The following ZFYVE9 variants were observed in gnomAD, a reference collection of about 807,000 sequenced individuals.
The protein encoded by ZFYVE9 is zinc finger FYVE domain-containing protein 9.
In ZFYVE9, 43 loss-of-function variants were observed where a neutral mutation model predicts 126.7. The ratio of observed to expected loss-of-function variants is 0.34; its 90% CI spans 0.27 to 0.44. The LOEUF (loss-of-function observed/expected upper bound fraction) is 0.44, where lower values mean the gene tolerates loss of function less well. Among genes scored for constraint, ZFYVE9 ranks in the 20% least tolerant of loss-of-function variants. ZFYVE9 has a pLI of 1.00. For synonymous variants in ZFYVE9, 521 were observed against 597.4 expected, an observed-to-expected ratio of 0.87 and a Z score of 1.87; for missense variants, 1,476 against 1,697.0, an observed-to-expected ratio of 0.87 and a Z score of 2.29.
intron 12 of ZFYVE9, among the ~76,000 whole-genome samples, chr1:52,300,928 C>G (rs933805722): frequency 6.6e-6 from 1 of 150,694 alleles, no homozygotes; most frequent in Non-Finnish European, 1.5e-5. Flanking sequence ...GGCACAATCT[C>G]GGCTCACTGC....
At chr1:52,217,038 T>C (rs1166371392) in intron 2 of ZFYVE9, among the ~76,000 whole-genome samples, 1 of 152,194 alleles carries the variant, frequency 6.6e-6, no homozygotes, top group African/African-American at 2.4e-5. Context: ...AAACAAGTGC[T>C]TGATGTAGCC....
chr1:52,245,113 G>A (rs1645371253), intron 4 of ZFYVE9, among the ~76,000 whole-genome samples: 1 of 151,470 alleles, frequency 6.6e-6, no homozygotes, highest in Non-Finnish European at 1.5e-5. Context: ...AGCCGAGATC[G>A]AGATCACGCC....
intron 1 of ZFYVE9, chr1:52,180,368 T>A (rs1644686005): frequency 1.9e-6 from 3 of 1,547,024 alleles, no homozygotes; most frequent in Non-Finnish European, 2.7e-6. Context: ...AGGCTCAGTT[T>A]ATTGGTCCTC....
intron 10 of ZFYVE9, among the ~76,000 whole-genome samples, chr1:52,290,218 A>G (rs566494445): frequency 6.6e-6 from 1 of 152,288 alleles, no homozygotes; most frequent in Non-Finnish European, 1.5e-5. Context: ...AGAAGGGCAA[A>G]TGGGGTGGGG....
intron 4 of ZFYVE9, among the ~76,000 whole-genome samples, chr1:52,243,120 A>G (rs1198886598): frequency 1.3e-5 from 2 of 152,210 alleles, no homozygotes; most frequent in East Asian, 1.9e-4. Context: ...GAGTGAGTAA[A>G]TGAGTCTCAG....
At position 52,295,208 on chromosome 1, in the gene ZFYVE9, T is replaced by C. The variant is rs192428432; in HGVS notation, c.3251-687T>C. ...AGACTGTGTCTCAAAAAAAAAAGAG[T>C]GAACTCTTAAACTTGTTGGAAAAAG... On this transcript the variant is annotated intron_variant, in intron 11 of 18. Coordinates refer to ENST00000287727, the MANE Select transcript of ZFYVE9 (RefSeq NM_004799.4). Among the ~76,000 whole-genome samples, 666 of 150,802 alleles carry C rather than the reference T, an allele frequency of 4.4e-3. 8 individuals are homozygous for C. Among genetic ancestry groups the C allele is most frequent in the Non-Finnish European group, 4.1e-3 (279 of 67,650 alleles).
At chr1:52,159,098 G>T (rs1297770205) in intron 1 of ZFYVE9, among the ~76,000 whole-genome samples, 1 of 152,108 alleles carries the variant, frequency 6.6e-6, no homozygotes, top group Non-Finnish European at 1.5e-5. Flanking sequence ...GGCTATTCTT[G>T]TATGTTTTGT....
chr1:52,183,628 G>C (rs189496397), intron 1 of ZFYVE9, among the ~76,000 whole-genome samples: 2 of 151,832 alleles, frequency 1.3e-5, no homozygotes, highest in African/African-American at 4.8e-5. Context: ...TCAGCCTTCC[G>C]AGTATCTGGG....
chr1:52,332,994 G>A (rs1646356454), intron 14 of ZFYVE9, 76 bp downstream of exon 14: 16 of 1,552,900 alleles, frequency 1.0e-5, no homozygotes, highest in Admixed American at 3.6e-5. Flanking sequence ...CCTCAGTCCC[G>A]TAACACTCAC....
chr1:52,274,468 A>G lies in ZFYVE9; in HGVS notation c.2630A>G (p.Asp877Gly), dbSNP rs1379891978. Residue 877 changes from aspartate (D) to glycine (G), a missense_variant, in exon 8 of 19, where the codon GAT becomes GGT. Physicochemically the swap from Asp to Gly is moderately conservative, Grantham distance 94. Coordinates refer to ENST00000287727, the MANE Select transcript of ZFYVE9 (RefSeq NM_004799.4). ...TTGTTGATTTGCTTTTCCTAGACGG[A>G]TATTTGTCTATTCTCTGGGAGTATA... ...VTTSPLPAET[D>G]ICLFSGSITQ... 1 of 1,607,456 alleles carries G rather than the reference A, an allele frequency of 6.2e-7. No homozygotes were observed. Among genetic ancestry groups the G allele is most frequent in the African/African-American group, 1.3e-5 (1 of 74,926 alleles).
At chr1:52,242,293 A>G (rs1333392758) in intron 4 of ZFYVE9, among the ~76,000 whole-genome samples, 1 of 152,148 alleles carries the variant, frequency 6.6e-6, no homozygotes, top group Non-Finnish European at 1.5e-5. Flanking sequence ...TGGCCTCCCA[A>G]AGTGCTGGGA....
chr1:52,299,209 T>G (rs1296924191), intron 12 of ZFYVE9, among the ~76,000 whole-genome samples: 3 of 152,166 alleles, frequency 2.0e-5, no homozygotes, highest in Non-Finnish European at 2.9e-5. Context: ...TAAATGGAAT[T>G]GTTTTCTTTA....
In ZFYVE9 at chr1:52,157,932, G is replaced by T. The variant is rs530111459; in HGVS notation, c.-143+15529G>T. Reference sequence around the variant, plus strand: ...CCAGTATATTCCTGATAGCTTTGATGCATGGTCTTCTCTCCTCACATGGTA... The same window carrying T: ...CCAGTATATTCCTGATAGCTTTGATTCATGGTCTTCTCTCCTCACATGGTA... On this transcript the variant is annotated intron_variant, in intron 1 of 18. Transcript: ENST00000287727. 3.9e-5 allele frequency among the ~76,000 whole-genome samples: 6 copies of T among 152,188 alleles called. No homozygotes were observed. The East Asian group carries it at 9.7e-4, about 25-fold the overall frequency.
chr1:52,180,072 G>C, intron 1 of ZFYVE9: 1 of 854,064 alleles, frequency 1.2e-6, no homozygotes, highest in South Asian at 1.3e-5. Flanking sequence ...GCAGAGACTG[G>C]CTGAGTGGAA....
rs759490228 is a variant in ZFYVE9, at chr1:52,239,526, A to C, written c.2109A>C (p.Pro703=). The C allele has an allele frequency of 3.7e-6, 6 of 1,614,130 alleles. No homozygotes were observed. The highest frequency in any genetic ancestry group is 5.1e-6 in the Non-Finnish European group (6 of 1,179,988). Residue 703 remains proline (P), a synonymous_variant, in exon 4 of 19, where the codon CCA becomes CCC. Transcript: ENST00000287727. ...TATGGGTACCGGATTCTCAGGCTCC[A>C]AATTGCATGAAATGTGAAGCCAGGT... ...APVWVPDSQA[P]NCMKCEARFT... is the part of the protein sequence containing the mutation.
Position 52,157,394 on chromosome 1 carries a change from C to CTTTTTTTTTTT in ZFYVE9, c.-143+15005_-143+15015dup, listed in dbSNP as rs71579908. ...TTTTTTCCTTATGGCACCATATTCT[C>CTTTTTTTTTTT]TTTTTTTTTTTTTTTTTTTTTTTTG... On this transcript the variant is annotated intron_variant, in intron 1 of 18. Transcript: ENST00000287727. 4.0e-3 allele frequency among the ~76,000 whole-genome samples: 231 copies of CTTTTTTTTTTT among 58,468 alleles called. 25 individuals are homozygous for CTTTTTTTTTTT. The highest frequency in any genetic ancestry group is 8.6e-3 in the East Asian group (16 of 1,870). The allele number at this position is 58,468 out of a possible 152,430, so 38.4% of individuals were successfully genotyped here.
intron 1 of ZFYVE9, among the ~76,000 whole-genome samples, chr1:52,173,342 G>C (rs558201023): frequency 6.6e-6 from 1 of 152,292 alleles, no homozygotes; most frequent in African/African-American, 2.4e-5. Context: ...TTGCATCCCA[G>C]GGATGAAGCC....
At chr1:52,177,511 C>T (rs1644647458) in intron 1 of ZFYVE9, among the ~76,000 whole-genome samples, 1 of 152,152 alleles carries the variant, frequency 6.6e-6, no homozygotes, top group Non-Finnish European at 1.5e-5. Context: ...CCCATGTACT[C>T]TCTCAAGACC....
At chr1:52,217,041 A>G (rs1293734334) in intron 2 of ZFYVE9, among the ~76,000 whole-genome samples, 2 of 152,114 alleles carry the variant, frequency 1.3e-5, no homozygotes, top group Admixed American at 1.3e-4. Flanking sequence ...CAAGTGCTTG[A>G]TGTAGCCAAA....
Sources: gnomAD v4.1 joint callset for allele counts (sites outside exome capture counted in the v4.1 genomes callset) on GRCh38, gnomAD v4.1.1 for gene constraint, MANE v1.5 for transcripts, NCBI Gene and HGNC (gene_info 2026-07-23, HGNC 2026-07-21) for gene names.